The following RP1 variants were observed in gnomAD, a reference collection of about 807,000 sequenced individuals.
The protein encoded by RP1 is oxygen-regulated protein 1.
In RP1, 16 loss-of-function variants were observed where a neutral mutation model predicts 14.8. The ratio of observed to expected loss-of-function variants is 1.08; its 90% CI spans 0.73 to 1.65. The LOEUF is 1.65. Ranked by LOEUF, RP1 falls within the 40% of genes most tolerant of loss-of-function variation. The probability of loss-of-function intolerance (pLI) is 0.00; values close to 1 mark genes in which losing one functional copy is unlikely to be tolerated. For missense variants in RP1, 2,631 were observed against 2,535.0 expected, an observed-to-expected ratio of 1.04 and a Z score of -0.81; for synonymous variants, 876 against 883.6, an observed-to-expected ratio of 0.99 and a Z score of 0.15.
At chr8:54,732,383 T>C (rs1808813173) in intron 17 of RP1, among the ~76,000 whole-genome samples, 1 of 152,226 alleles carries the variant, frequency 6.6e-6, no homozygotes, top group Admixed American at 6.6e-5. Context: ...CAGATATTTA[T>C]ATGTCTGTTT....
chr8:54,647,945 G>A (rs1806582321), intron 3 of RP1, among the ~76,000 whole-genome samples: 1 of 152,120 alleles, frequency 6.6e-6, no homozygotes, highest in South Asian at 2.1e-4. Flanking sequence ...ATTCCCAGGT[G>A]TTGAGGGAGG....
intron 1 of RP1, among the ~76,000 whole-genome samples, chr8:54,574,951 A>G (rs1200463033): frequency 6.6e-6 from 1 of 152,172 alleles, no homozygotes; most frequent in Non-Finnish European, 1.5e-5. Flanking sequence ...ATTCCTCATT[A>G]AAGGCCATCT....
Position 54,622,123 on chromosome 8 carries a change from A to G in RP1, c.622A>G (p.Ser208Gly), listed in dbSNP as rs762393398. Reference sequence around the variant, plus strand: ...TGACTCTGGTCTCTTTTAGGTTCCCAGCCTCCAGGCAGTGATCCTGAGCTC... The same window carrying G: ...TGACTCTGGTCTCTTTTAGGTTCCCGGCCTCCAGGCAGTGATCCTGAGCTC... ...LYATDGRRVP[S>G]LQAVILSSGA... The change falls in exon 3 of 4, where the codon AGC becomes GGC. Residue 208 changes from serine to glycine, a missense_variant. Ser to Gly is a moderately conservative substitution (Grantham distance 56). Transcript: ENST00000220676. The G allele has an allele frequency of 6.2e-7, 1 of 1,614,192 alleles. No homozygotes were observed. Among genetic ancestry groups the G allele is most frequent in the Non-Finnish European group, 8.5e-7 (1 of 1,180,026 alleles).
At chr8:54,772,838 CTTG>C (rs1166964242), downstream of RP1, among the ~76,000 whole-genome samples, 18 of 152,236 alleles carry the variant, frequency 1.2e-4, no homozygotes, top group African/African-American at 4.3e-4. Context: ...TTGGATTTAT[CTTG>C]TTGTGTTATT....
chr8:54,599,297 G>T (rs1805218118), intron 1 of RP1, among the ~76,000 whole-genome samples: 1 of 151,732 alleles, frequency 6.6e-6, no homozygotes. Context: ...ATTTCCATTT[G>T]GTTCTTCTTT....
At chr8:54,693,001 G>A (rs1585611693) in intron 12 of RP1, among the ~76,000 whole-genome samples, 2 of 152,118 alleles carry the variant, frequency 1.3e-5, no homozygotes, top group African/African-American at 4.8e-5. Context: ...TGTATAAGGT[G>A]TAAGGAAGGG....
At chr8:54,712,914 T>C (rs1485031188) in intron 15 of RP1, among the ~76,000 whole-genome samples, 3 of 152,210 alleles carry the variant, frequency 2.0e-5, no homozygotes, top group Non-Finnish European at 4.4e-5. Context: ...AAAACAGTCC[T>C]CTTAATTACC....
chr8:54,759,151 T>C, intron 22 of RP1: 1 of 1,301,414 alleles, frequency 7.7e-7, no homozygotes, highest in Non-Finnish European at 1.0e-6. Context: ...TGTGTGTGTG[T>C]GTGTGTGTGT....
At chr8:54,855,418 T>C (rs1812169404) in intron 26 of RP1, among the ~76,000 whole-genome samples, 1 of 152,226 alleles carries the variant, frequency 6.6e-6, no homozygotes, top group African/African-American at 2.4e-5. Context: ...GTGAATGATG[T>C]CGCTATGAAC....
chr8:54,807,309 A>G (rs994107151), intron 24 of RP1, among the ~76,000 whole-genome samples: 7 of 152,216 alleles, frequency 4.6e-5, no homozygotes, highest in African/African-American at 1.7e-4. Flanking sequence ...TTCAAAGAAC[A>G]AATTCTTTTG....
intron 1 of RP1, among the ~76,000 whole-genome samples, chr8:54,581,078 A>T (rs1202256460): frequency 6.6e-6 from 1 of 152,124 alleles, no homozygotes; most frequent in Non-Finnish European, 1.5e-5. Context: ...ATATGTATAC[A>T]TATGCCATGT....
chr8:54,764,126 AC>A (rs899750945), intron 22 of RP1, among the ~76,000 whole-genome samples: 1 of 152,080 alleles, frequency 6.6e-6, no homozygotes, highest in African/African-American at 2.4e-5. Flanking sequence ...CTGTTGTTCC[AC>A]CGAAACAATT....
intron 24 of RP1, among the ~76,000 whole-genome samples, chr8:54,832,483 G>A (rs964445836): frequency 2.0e-5 from 3 of 150,944 alleles, no homozygotes; most frequent in Admixed American, 2.0e-4. Context: ...ATAATTTCTA[G>A]ATAGCACTTG....
chr8:54,850,719 C>T (rs1446746037), intron 25 of RP1, among the ~76,000 whole-genome samples: 1 of 151,948 alleles, frequency 6.6e-6, no homozygotes, highest in Non-Finnish European at 1.5e-5. Flanking sequence ...CCTTAAAGAT[C>T]AAGAAAAAAA....
intron 1 of RP1, among the ~76,000 whole-genome samples, chr8:54,595,167 T>C (rs1805112666): frequency 6.6e-6 from 1 of 151,764 alleles, no homozygotes; most frequent in Non-Finnish European, 1.5e-5. Context: ...TCTTTCTCTG[T>C]TGCCCAGGGT....
intron 1 of RP1, chr8:54,561,751 A>T (rs1025085819): frequency 6.6e-6 from 1 of 152,228 alleles, no homozygotes; most frequent in Non-Finnish European, 1.5e-5. Flanking sequence ...ACAGAAAAAG[A>T]TCAATAACAA....
chr8:54,847,686 T>C (rs901932212), intron 25 of RP1, among the ~76,000 whole-genome samples: 1 of 152,240 alleles, frequency 6.6e-6, no homozygotes, highest in Admixed American at 6.5e-5. Flanking sequence ...TGATTGCTGA[T>C]AGATATCACA....
chr8:54,840,219 A>C (rs1811758392), intron 25 of RP1, among the ~76,000 whole-genome samples: 2 of 152,000 alleles, frequency 1.3e-5, no homozygotes, highest in Admixed American at 1.3e-4. Context: ...GCTATATTAG[A>C]TATTTCTTAA....
At chr8:54,792,869 T>C (rs917799667) in intron 24 of RP1, among the ~76,000 whole-genome samples, 2 of 149,494 alleles carry the variant, frequency 1.3e-5, no homozygotes, top group African/African-American at 4.9e-5. Context: ...AAATAGAGAG[T>C]AGAAGAACAA....
Sources: allele counts gnomAD v4.1 joint callset (sites outside exome capture counted in the v4.1 genomes callset), GRCh38; gene constraint gnomAD v4.1.1; transcripts MANE v1.5; gene names NCBI Gene and HGNC (gene_info 2026-07-23, HGNC 2026-07-21).